ANKIB1: variants seen among roughly 807,000 people sequenced by gnomAD.
The protein encoded by ANKIB1 is ankyrin repeat and IBR domain containing 1.
In ANKIB1, 43 loss-of-function variants were observed where a neutral mutation model predicts 122.1. The observed-to-expected ratio is 0.35, with a 90% CI of 0.28 to 0.45. ANKIB1 has a LOEUF of 0.45. ANKIB1 is among the 20% of genes least tolerant of loss of function. The pLI is 1.00. For synonymous variants in ANKIB1, 390 were observed against 442.0 expected (o/e 0.88, Z 1.48); for missense variants, 992 against 1,329.5 (o/e 0.75, Z 3.95).
At position 92,378,480 on chromosome 7, in the gene ANKIB1, CAAAAAAA is replaced by C. The variant is rs146294657; in HGVS notation, c.1617+6884_1617+6890del. Among the ~76,000 whole-genome samples, 222 of 80,394 alleles carry C rather than the reference CAAAAAAA, an allele frequency of 2.8e-3. 4 individuals are homozygous for C. In the East Asian group the frequency reaches 0.047, roughly 17 times the overall value. 52.7% of individuals were successfully genotyped at this position (80,394 alleles called of 152,430 possible). The stretch of plus-strand genomic sequence containing the variant: ...CTATAGCTGCTGAAAAGCTATTTGA[CAAAAAAA>C]AAAAAAAAAATCAACAATCATTCTT... On this transcript the variant is annotated intron_variant, in intron 11 of 19. Transcript: ENST00000265742.
At chr7:92,247,930 A>G (rs1479690153) in intron 1 of ANKIB1, among the ~76,000 whole-genome samples, 1 of 152,090 alleles carries the variant, frequency 6.6e-6, no homozygotes, top group Non-Finnish European at 1.5e-5. Context: ...CTATTATCTG[A>G]TTTGTAACTT....
chr7:92,287,206 C>G (rs1037994508), intron 1 of ANKIB1, among the ~76,000 whole-genome samples: 2 of 152,180 alleles, frequency 1.3e-5, no homozygotes, highest in Non-Finnish European at 2.9e-5. Context: ...ACTAACTAAA[C>G]TATTTACTGT....
At chr7:92,268,345 A>G (rs1003629355) in intron 1 of ANKIB1, among the ~76,000 whole-genome samples, 2 of 152,242 alleles carry the variant, frequency 1.3e-5, no homozygotes, top group African/African-American at 4.8e-5. Context: ...AAATTGGAAT[A>G]TAATGGAAGA....
At chr7:92,286,624 C>T (rs183575784) in intron 1 of ANKIB1, among the ~76,000 whole-genome samples, 1 of 152,094 alleles carries the variant, frequency 6.6e-6, no homozygotes, top group East Asian at 1.9e-4. Context: ...GGATTACAGG[C>T]ATGCACCACC....
chr7:92,268,248 A>G (rs1801714765), intron 1 of ANKIB1, among the ~76,000 whole-genome samples: 1 of 152,200 alleles, frequency 6.6e-6, no homozygotes, highest in Non-Finnish European at 1.5e-5. Context: ...CTACTAAACT[A>G]TGCTTTGACT....
intron 11 of ANKIB1, among the ~76,000 whole-genome samples, chr7:92,375,345 C>G (rs1010319061): frequency 5.3e-5 from 8 of 152,180 alleles, no homozygotes; most frequent in African/African-American, 1.9e-4. Context: ...AATTTGACCT[C>G]TGATAGAACT....
intron 14 of ANKIB1, 129 bp downstream of exon 14, chr7:92,388,170 C>A: frequency 3.4e-6 from 3 of 886,300 alleles, no homozygotes; most frequent in Non-Finnish European, 5.2e-6. Context: ...GTTTTGAGTT[C>A]TTTGAAGCCC....
At chr7:92,339,489 A>G (rs1803389316) in intron 5 of ANKIB1, among the ~76,000 whole-genome samples, 1 of 152,168 alleles carries the variant, frequency 6.6e-6, no homozygotes, top group Non-Finnish European at 1.5e-5. Context: ...ATCATTTACA[A>G]TTTCCTGGAA....
rs1046594196 is a variant in ANKIB1, at chr7:92,376,325, T to C, written c.1617+4718T>C. Among the ~76,000 whole-genome samples, 4 of 152,346 alleles carry C rather than the reference T, an allele frequency of 2.6e-5. No individual in the cohort carries two copies. The East Asian group carries it at 7.7e-4, about 29-fold the overall frequency. ...TCTCCTACTAGAAAGCAGTTTCATCTACATTGGAAATCTGTTGTTTAATGT... is the reference window on the plus strand; with the variant it reads ...TCTCCTACTAGAAAGCAGTTTCATCCACATTGGAAATCTGTTGTTTAATGT... On this transcript the variant is annotated intron_variant, in intron 11 of 19. Coordinates refer to ENST00000265742, the MANE Select transcript of ANKIB1 (RefSeq NM_019004.2).
intron 2 of ANKIB1, among the ~76,000 whole-genome samples, chr7:92,306,649 C>T (rs1334795220): frequency 6.6e-6 from 1 of 152,136 alleles, no homozygotes; most frequent in African/African-American, 2.4e-5. Flanking sequence ...CCTTACCAGA[C>T]ACTGAATCAC....
At chr7:92,319,768 T>A in intron 4 of ANKIB1, 1 of 363,226 alleles carries the variant, frequency 2.8e-6, no homozygotes, top group Non-Finnish European at 4.9e-6. Context: ...AGACTCTATC[T>A]ACAAAAAATT....
At chr7:92,379,099 A>G (rs1424940361) in intron 11 of ANKIB1, among the ~76,000 whole-genome samples, 1 of 152,216 alleles carries the variant, frequency 6.6e-6, no homozygotes, top group Non-Finnish European at 1.5e-5. Flanking sequence ...AATCTAAGTA[A>G]ACTAATTTAG....
chr7:92,330,654 A>T (rs1027170388), intron 5 of ANKIB1, among the ~76,000 whole-genome samples: 10 of 152,030 alleles, frequency 6.6e-5, no homozygotes, highest in African/African-American at 1.9e-4. Flanking sequence ...TATCCTGGCT[A>T]ACATGCTGAA....
intron 9 of ANKIB1, among the ~76,000 whole-genome samples, chr7:92,361,279 T>C (rs1233039044): frequency 6.6e-6 from 1 of 152,242 alleles, no homozygotes; most frequent in African/African-American, 2.4e-5. Context: ...GGTAAATTGA[T>C]GTTTTTAATT....
At chr7:92,397,676 T>C in intron 18 of ANKIB1, 47 bp from the exon 19 acceptor site, 1 of 1,600,908 alleles carries the variant, frequency 6.2e-7, no homozygotes, top group Admixed American at 1.7e-5. Context: ...AATAAATAAG[T>C]CTTATTTGTC....
intron 9 of ANKIB1, among the ~76,000 whole-genome samples, chr7:92,356,917 G>A (rs1803827156): frequency 6.6e-6 from 1 of 152,168 alleles, no homozygotes; most frequent in African/African-American, 2.4e-5. Context: ...CCTAAAAAAT[G>A]TTAGCTAAAG....
chr7:92,267,004 C>A (rs1801685583), intron 1 of ANKIB1, among the ~76,000 whole-genome samples: 1 of 152,088 alleles, frequency 6.6e-6, no homozygotes, highest in Admixed American at 6.6e-5. Context: ...AGTTGGCACA[C>A]ATGGGATATT....
intron 9 of ANKIB1, among the ~76,000 whole-genome samples, chr7:92,356,589 G>A (rs558666057): frequency 1.3e-5 from 2 of 152,276 alleles, no homozygotes; most frequent in Admixed American, 6.5e-5. Context: ...ATAATAATCT[G>A]GGAGATACAG....
chr7:92,317,056 G>A (rs1358180135), intron 3 of ANKIB1, among the ~76,000 whole-genome samples: 2 of 152,174 alleles, frequency 1.3e-5, no homozygotes, highest in African/African-American at 2.4e-5. Flanking sequence ...GCAGTCAGGA[G>A]CAGATAGTCT....
Sources: allele counts gnomAD v4.1 joint callset (sites outside exome capture counted in the v4.1 genomes callset), GRCh38; gene constraint gnomAD v4.1.1; transcripts MANE v1.5; gene names NCBI Gene and HGNC (gene_info 2026-07-23, HGNC 2026-07-21).